The following CLTCL1 variants were observed in gnomAD, a reference collection of about 807,000 sequenced individuals.
CLTCL1 encodes clathrin heavy chain like 1, also known as clathrin heavy chain 2.
In CLTCL1, 159 loss-of-function variants were observed where a neutral mutation model predicts 190.0. The observed-to-expected ratio is 0.84, with a 90% CI of 0.74 to 0.95. CLTCL1 has a LOEUF of 0.95. CLTCL1 is among the 40% of genes least tolerant of loss of function. CLTCL1 has a pLI of 0.00. For synonymous variants in CLTCL1, 752 were observed against 769.6 expected (o/e 0.98, Z 0.38); for missense variants, 1,878 against 2,033.4 (o/e 0.92, Z 1.47).
At chr22:19,268,287 G>A (rs1211914515) in intron 2 of CLTCL1, among the ~76,000 whole-genome samples, 1 of 152,088 alleles carries the variant, frequency 6.6e-6, no homozygotes, top group Non-Finnish European at 1.5e-5. Context: ...TCTTAATCTT[G>A]GACTTCCCAG....
rs1171178646 is a variant in CLTCL1 at position 19,249,292 on chromosome 22, G to GA, written c.519+4666dup. On this transcript the variant is annotated intron_variant, in intron 3 of 32. Coordinates refer to ENST00000427926, the MANE Select transcript of CLTCL1 (RefSeq NM_007098.4). The stretch of plus-strand genomic sequence containing the variant: ...GAGGATTGCTTGAACCCGGGAGGTG[G>GA]AGGTTGCAGTGAGCCGAGATTGTGC... Among the ~76,000 whole-genome samples, 85 of 152,124 alleles carry GA rather than the reference G, an allele frequency of 5.6e-4. 2 individuals are homozygous for GA. Among genetic ancestry groups the GA allele is most frequent in the Non-Finnish European group, 1.3e-4 (9 of 68,040 alleles).
At chr22:19,222,458 C>G (rs1301541886) in intron 15 of CLTCL1, among the ~76,000 whole-genome samples, 2 of 152,218 alleles carry the variant, frequency 1.3e-5, no homozygotes, top group African/African-American at 4.8e-5. Context: ...CCTGCCGACA[C>G]CCTGATCATG....
intron 5 of CLTCL1, among the ~76,000 whole-genome samples, chr22:19,237,312 TTTTTAAAA>T (rs1347487254): frequency 2.0e-5 from 3 of 152,044 alleles, no homozygotes; most frequent in Non-Finnish European, 4.4e-5. Flanking sequence ...CCATCTCTAC[TTTTTAAAA>T]AAAGATCCCA....
chr22:19,195,804 G>A (rs1049763470), intron 26 of CLTCL1, among the ~76,000 whole-genome samples: 1 of 152,114 alleles, frequency 6.6e-6, no homozygotes, highest in African/African-American at 2.4e-5. Context: ...GCTACAGGAT[G>A]GAGGCCCACT....
In CLTCL1 at chr22:19,221,507, C is replaced by A; in HGVS notation, c.2666G>T (p.Ser889Ile). The A allele has an allele frequency of 6.2e-7, 1 of 1,603,300 alleles. No individual in the cohort carries two copies. Reference sequence around the variant, plus strand: ...ATTCTCTCTCAGGAAGCACTCGGGGCTGTTGTTGCTGTCGATGTAGATTTT... The same window carrying A: ...ATTCTCTCTCAGGAAGCACTCGGGGATGTTGTTGCTGTCGATGTAGATTTT... ...LAKIYIDSNN[S>I]PECFLRENAY... Residue 889 changes from serine to isoleucine, a missense_variant, in exon 17 of 33, where the codon AGC (serine) becomes ATC (isoleucine). Physicochemically the swap from Ser to Ile is moderately radical, Grantham distance 142. Coordinates refer to ENST00000427926, the MANE Select transcript of CLTCL1 (RefSeq NM_007098.4).
chr22:19,220,847 GCCTGGGCAGATGCAGGCAAAAGA>G (rs369524673), intron 17 of CLTCL1, among the ~76,000 whole-genome samples: 2 of 152,188 alleles, frequency 1.3e-5, no homozygotes, highest in Admixed American at 6.5e-5. Context: ...GTGGATCCAA[GCCTGGGCAGATGCAGGCAAAAGA>G]CCTGGGCAGA....
chr22:19,264,874 C>T (rs1051512697), intron 2 of CLTCL1, among the ~76,000 whole-genome samples: 23 of 151,946 alleles, frequency 1.5e-4, no homozygotes, highest in East Asian at 3.9e-4. Flanking sequence ...TTGCAACCTC[C>T]GCCTCCCGGA....
intron 2 of CLTCL1, among the ~76,000 whole-genome samples, chr22:19,267,824 G>A (rs2087169177): frequency 6.6e-6 from 1 of 151,994 alleles, no homozygotes; most frequent in Non-Finnish European, 1.5e-5. Context: ...GAACCCAGGA[G>A]GCAGAGGTTG....
chr22:19,221,173 T>C (rs1555952028), intron 17 of CLTCL1, among the ~76,000 whole-genome samples: 1 of 152,230 alleles, frequency 6.6e-6, no homozygotes, highest in African/African-American at 2.4e-5. Flanking sequence ...TAAGTCAGGT[T>C]CAGGACCAAC....
At position 19,180,972 on chromosome 22, in the gene CLTCL1, T is replaced by C. The variant is rs1019029916; in HGVS notation, c.4828-166A>G. 13 of 632,240 alleles carry C rather than the reference T, an allele frequency of 2.1e-5. No individual in the cohort carries two copies. In the African/African-American group the frequency reaches 2.2e-4, roughly 11 times the overall value. 39.2% of individuals were successfully genotyped at this position (632,240 alleles called of 1,614,324 possible). On this transcript the variant is annotated intron_variant, in intron 30 of 32. Transcript: ENST00000427926. ...GCTCAGCCCACACCCCATGCACTTT[T>C]AGAATGCAGCAAGGCATGGAGAGGT...
chr22:19,268,863 C>T (rs1237093291), intron 2 of CLTCL1, among the ~76,000 whole-genome samples: 1 of 151,304 alleles, frequency 6.6e-6, no homozygotes, highest in Non-Finnish European at 1.5e-5. Context: ...GGGAGGCCAA[C>T]GCAGGTGGAT....
At position 19,179,933 on chromosome 22, in the gene CLTCL1, T is replaced by C. The variant is rs547970915; in HGVS notation, c.*57A>G. The C allele has an allele frequency of 1.5e-5, 8 of 525,556 alleles. No homozygotes were observed. Among genetic ancestry groups the C allele is most frequent in the South Asian group, 4.5e-5 (2 of 44,662 alleles). The allele number at this position is 525,556 out of a possible 1,614,324, so 32.6% of individuals were successfully genotyped here. A position where few individuals can be genotyped will look rare whatever the true frequency, so the allele number is the denominator to read the frequency against. On this transcript the variant is annotated 3_prime_UTR_variant, in exon 33 of 33. Transcript: ENST00000427926. The stretch of plus-strand genomic sequence containing the variant: ...GAAGTTGGGAGCAGAGGCATATCCA[T>C]AGGGGAAGCTGGCAGGGGCTGGGCC...
intron 3 of CLTCL1, among the ~76,000 whole-genome samples, chr22:19,251,275 C>A (rs779196423): frequency 8.6e-5 from 13 of 151,872 alleles, no homozygotes; most frequent in Non-Finnish European, 1.6e-4. Flanking sequence ...TTGGATTGTT[C>A]GTTGCAAATG....
chr22:19,208,820 T>C, intron 21 of CLTCL1, 102 bp downstream of exon 21: 1 of 949,058 alleles, frequency 1.1e-6, no homozygotes, highest in South Asian at 1.8e-5. Flanking sequence ...TATCTCTGGA[T>C]ACATCATACG....
chr22:19,185,548 G>T (rs1051371785), intron 29 of CLTCL1, among the ~76,000 whole-genome samples: 1 of 152,082 alleles, frequency 6.6e-6, no homozygotes, highest in African/African-American at 2.4e-5. Flanking sequence ...GGATGGTCTC[G>T]ATCTCCTGAT....
rs1169053606 is a variant in CLTCL1, at chr22:19,179,665, T to C, written c.*325A>G. On this transcript the variant is annotated 3_prime_UTR_variant, in exon 33 of 33. Coordinates refer to ENST00000427926, the MANE Select transcript of CLTCL1 (RefSeq NM_007098.4). ...AGGAGGGCCCACAGTCCAGTCTCTG[T>C]TGTCGGCTAAAGCTGGTCTTGCGCC... The C allele has an allele frequency of 1.2e-5, 2 of 161,610 alleles. No homozygotes were observed. Among genetic ancestry groups the C allele is most frequent in the Non-Finnish European group, 2.7e-5 (2 of 73,104 alleles). 10.0% of individuals were successfully genotyped at this position (161,610 alleles called of 1,614,324 possible). A position where few individuals can be genotyped will look rare whatever the true frequency, so the allele number is the denominator to read the frequency against.
At position 19,209,749 on chromosome 22, in the gene CLTCL1, G is replaced by T. The variant is rs148962073; in HGVS notation, c.3249+577C>A. Among the ~76,000 whole-genome samples the T allele has an allele frequency of 5.5e-3, 844 of 152,336 alleles. 5 individuals are homozygous for T. The highest frequency in any genetic ancestry group is 0.017 in the Middle Eastern group (5 of 294). On this transcript the variant is annotated intron_variant, in intron 20 of 32. Coordinates refer to ENST00000427926, the MANE Select transcript of CLTCL1 (RefSeq NM_007098.4). ...ATTGGTAGGACAGCAGTTCAGGTGA[G>T]ATGTCCTGTGGTTTACAACTGATTT...
At chr22:19,264,728 G>A (rs1298864434) in intron 2 of CLTCL1, among the ~76,000 whole-genome samples, 1 of 151,990 alleles carries the variant, frequency 6.6e-6, no homozygotes, top group Non-Finnish European at 1.5e-5. Flanking sequence ...ATATACCTGG[G>A]CAATAATTAA....
intron 27 of CLTCL1, 94 bp from the exon 28 acceptor site, chr22:19,188,185 T>TG: frequency 9.0e-7 from 1 of 1,109,022 alleles, no homozygotes; most frequent in Non-Finnish European, 1.4e-6. Flanking sequence ...GCCATCCACT[T>TG]GAATGGTCCA....
Sources: gnomAD v4.1 joint callset for allele counts (sites outside exome capture counted in the v4.1 genomes callset) on GRCh38, gnomAD v4.1.1 for gene constraint, MANE v1.5 for transcripts, NCBI Gene and HGNC (gene_info 2026-07-23, HGNC 2026-07-21) for gene names.